The following MAPK10 variants were observed in gnomAD, a reference collection of about 807,000 sequenced individuals.
MAPK10 encodes mitogen-activated protein kinase 10, also known as JNK3 alpha protein kinase.
A neutral mutation model predicts 59.3 loss-of-function variants in MAPK10; 25 were observed. That is an observed-to-expected ratio of 0.42 (90% CI 0.31 to 0.59). The LOEUF (loss-of-function observed/expected upper bound fraction) is 0.59. Ranked by LOEUF, MAPK10 falls within the 20% of genes least tolerant of loss-of-function variation. The pLI is 0.15. For synonymous variants in MAPK10, 190 were observed against 200.5 expected, an observed-to-expected ratio of 0.95 and a Z score of 0.44; for missense variants, 351 against 568.9, an observed-to-expected ratio of 0.62 and a Z score of 3.90.
intron 1 of MAPK10, among the ~76,000 whole-genome samples, chr4:86,393,995 G>A (rs538423137): frequency 1.6e-4 from 25 of 152,326 alleles, no homozygotes; most frequent in Non-Finnish European, 2.5e-4. Context: ...TAGGGGCTGG[G>A]CGTGGTGGCT....
chr4:86,317,838 C>G (rs2095818852), intron 2 of MAPK10, among the ~76,000 whole-genome samples: 1 of 152,190 alleles, frequency 6.6e-6, no homozygotes, highest in Non-Finnish European at 1.5e-5. Context: ...TTTATTCTCT[C>G]ACAGTGCTGG....
chr4:86,407,885 G>A (rs1235917172), intron 1 of MAPK10, among the ~76,000 whole-genome samples: 1 of 151,800 alleles, frequency 6.6e-6, no homozygotes, highest in African/African-American at 2.4e-5. Flanking sequence ...TTCAGGCCGG[G>A]TGAGCAAAAT....
At chr4:86,505,568 C>A (rs974605923) in intron 1 of MAPK10, among the ~76,000 whole-genome samples, 13 of 152,038 alleles carry the variant, frequency 8.6e-5, no homozygotes, top group Non-Finnish European at 1.6e-4. Flanking sequence ...GCCTGGGCAA[C>A]AGAGTGAGAC....
intron 13 of MAPK10, chr4:86,025,530 T>C: frequency 2.5e-6 from 1 of 398,406 alleles, no homozygotes; most frequent in Non-Finnish European, 4.4e-6. Flanking sequence ...AATATGATCA[T>C]TGTGTTCAGT....
chr4:86,295,486 T>C (rs942892848), intron 2 of MAPK10, among the ~76,000 whole-genome samples: 5 of 152,048 alleles, frequency 3.3e-5, no homozygotes, highest in East Asian at 1.9e-4. Flanking sequence ...CATTATAACC[T>C]TCATGAAGGC....
Position 86,071,850 on chromosome 4 carries a change from G to A in MAPK10, c.803-3895C>T, listed in dbSNP as rs201178631. On this transcript the variant is annotated intron_variant, in intron 9 of 13. Coordinates refer to ENST00000641462, the MANE Select transcript of MAPK10 (RefSeq NM_138982.4). ...TGATTCCTCCAGCTTTGTTCTTTTG[G>A]CTTAGGATTGACTTGGCAATGCGGG... Among the ~76,000 whole-genome samples, 371 of 148,000 alleles carry A rather than the reference G, an allele frequency of 2.5e-3. 2 individuals are homozygous for A. Among genetic ancestry groups the A allele is most frequent in the Non-Finnish European group, 4.8e-3 (320 of 66,862 alleles).
intron 3 of MAPK10, among the ~76,000 whole-genome samples, chr4:86,176,834 T>C (rs1306638409): frequency 6.6e-6 from 1 of 152,100 alleles, no homozygotes; most frequent in Non-Finnish European, 1.5e-5. Flanking sequence ...TATTTCAACA[T>C]ACAAGATATA....
chr4:86,080,379 C>T (rs960805833), intron 9 of MAPK10: 5 of 151,230 alleles, frequency 3.3e-5, no homozygotes, highest in African/African-American at 1.2e-4. Context: ...ACACTGACAA[C>T]TCTTTATTTA....
chr4:86,200,659 A>T (rs2082410192), intron 2 of MAPK10, among the ~76,000 whole-genome samples: 1 of 150,230 alleles, frequency 6.7e-6, no homozygotes, highest in Non-Finnish European at 1.5e-5. Flanking sequence ...CTTAGGGAAA[A>T]TGCGTAGAGA....
intron 9 of MAPK10, among the ~76,000 whole-genome samples, chr4:86,088,533 T>C (rs1014735496): frequency 6.6e-6 from 1 of 152,154 alleles, no homozygotes; most frequent in African/African-American, 2.4e-5. Context: ...AGAATCACTT[T>C]TACTTATTCA....
chr4:86,398,984 C>T (rs1457248718), intron 1 of MAPK10, among the ~76,000 whole-genome samples: 3 of 152,178 alleles, frequency 2.0e-5, no homozygotes, highest in African/African-American at 4.8e-5. Flanking sequence ...ATAGGTACCA[C>T]ATTTTCATTA....
intron 1 of MAPK10, among the ~76,000 whole-genome samples, chr4:86,582,764 G>A (rs1188625606): frequency 6.6e-6 from 1 of 152,096 alleles, no homozygotes; most frequent in African/African-American, 2.4e-5. Context: ...TATAGTAGCT[G>A]AGAAAACAAT....
intron 1 of MAPK10, among the ~76,000 whole-genome samples, chr4:86,427,584 G>C (rs1249901343): frequency 1.3e-5 from 2 of 152,070 alleles, no homozygotes; most frequent in Non-Finnish European, 2.9e-5. Context: ...AAAGCAGAAA[G>C]GAAAAAGAAA....
chr4:86,021,936 C>T (rs893580160), intron 13 of MAPK10, among the ~76,000 whole-genome samples: 2 of 152,256 alleles, frequency 1.3e-5, no homozygotes, highest in Non-Finnish European at 2.9e-5. Context: ...CTACCTGCAA[C>T]TCCAGCTGGC....
chr4:86,285,296 C>T (rs1042100850), intron 2 of MAPK10, among the ~76,000 whole-genome samples: 3 of 151,710 alleles, frequency 2.0e-5, no homozygotes, highest in African/African-American at 7.3e-5. Flanking sequence ...CGGCTCACTG[C>T]AACCTCTGCC....
intron 3 of MAPK10, among the ~76,000 whole-genome samples, chr4:86,182,539 G>A (rs757138189): frequency 9.2e-5 from 14 of 151,996 alleles, no homozygotes; most frequent in Admixed American, 2.6e-4. Flanking sequence ...TAGCCAAGCT[G>A]GTGATAAGCT....
chr4:86,437,693 T>G (rs1341283563), intron 1 of MAPK10, among the ~76,000 whole-genome samples: 1 of 152,228 alleles, frequency 6.6e-6, no homozygotes, highest in Non-Finnish European at 1.5e-5. Context: ...TATCTTTTTA[T>G]GCTGATCATA....
intron 10 of MAPK10, 139 bp downstream of exon 10, chr4:86,067,634 T>G (rs1468685095): frequency 1.7e-5 from 12 of 699,184 alleles, no homozygotes; most frequent in Non-Finnish European, 2.7e-5. Context: ...CCACCCTATA[T>G]CCCACAAAAA....
chr4:86,571,368 A>G (rs1365245450), intron 1 of MAPK10, among the ~76,000 whole-genome samples: 3 of 149,136 alleles, frequency 2.0e-5, no homozygotes, highest in African/African-American at 4.9e-5. Context: ...ATCTCCAGTA[A>G]AAGATAGTGA....
Sources: allele counts gnomAD v4.1 joint callset (sites outside exome capture counted in the v4.1 genomes callset), GRCh38; gene constraint gnomAD v4.1.1; transcripts MANE v1.5; gene names NCBI Gene and HGNC (gene_info 2026-07-23, HGNC 2026-07-21).